ZEB1: variants seen among roughly 807,000 people sequenced by gnomAD.
ZEB1 encodes the protein zinc finger E-box-binding homeobox 1.
ZEB1 carries 21 observed loss-of-function variants against 84.9 expected under a neutral mutation model. That is an observed-to-expected ratio of 0.25 (90% CI 0.18 to 0.36). The LOEUF (loss-of-function observed/expected upper bound fraction) is 0.36. Ranked by LOEUF, ZEB1 falls within the 10% of genes least tolerant of loss-of-function variation. The probability of loss-of-function intolerance (pLI) is 1.00; values close to 1 mark genes in which losing one functional copy is unlikely to be tolerated. For missense variants in ZEB1, 1,104 were observed against 1,330.2 expected (o/e 0.83, Z 2.65); for synonymous variants, 420 against 471.1 (o/e 0.89, Z 1.41).
At chr10:31,519,053 T>C (rs1436171189) in intron 6 of ZEB1, among the ~76,000 whole-genome samples, 1 of 152,128 alleles carries the variant, frequency 6.6e-6, no homozygotes, top group East Asian at 1.9e-4. Context: ...GACAAATCAG[T>C]GTCATCACAT....
chr10:31,328,191 A>G (rs983289858), intron 1 of ZEB1, among the ~76,000 whole-genome samples: 1 of 152,068 alleles, frequency 6.6e-6, no homozygotes, highest in African/African-American at 2.4e-5. Context: ...TTTTGTATTT[A>G]TATGTCTAAT....
At chr10:31,362,755 C>G (rs1265972591) in intron 1 of ZEB1, 5 of 610,606 alleles carry the variant, frequency 8.2e-6, no homozygotes, top group Admixed American at 2.2e-5. Context: ...GTCTCAATCT[C>G]TTGATCTCCT....
intron 1 of ZEB1, among the ~76,000 whole-genome samples, chr10:31,443,213 T>C (rs1331759312): frequency 1.3e-5 from 2 of 152,224 alleles, no homozygotes; most frequent in Non-Finnish European, 2.9e-5. Flanking sequence ...TCTTACTGGG[T>C]GGTTCATCTT....
chr10:31,480,039 C>T (rs1238631556), intron 2 of ZEB1, among the ~76,000 whole-genome samples: 1 of 151,920 alleles, frequency 6.6e-6, no homozygotes, highest in African/African-American at 2.4e-5. Flanking sequence ...GTCTTAAAGG[C>T]ATCCTTATGC....
At chr10:31,342,333 A>T (rs991827363) in intron 1 of ZEB1, among the ~76,000 whole-genome samples, 1 of 152,166 alleles carries the variant, frequency 6.6e-6, no homozygotes, top group African/African-American at 2.4e-5. Flanking sequence ...GCCCAGGATT[A>T]GGGAGCTGAT....
At position 31,370,863 on chromosome 10, in the gene ZEB1, G is replaced by A. The variant is rs114681118; in HGVS notation, c.58+51571G>A. Reference sequence around the variant, plus strand: ...TTTCTTTATTTGTAAAATTGTGTGTGGTGTTAAATTCTAAGACTGTTTTTA... The same window carrying A: ...TTTCTTTATTTGTAAAATTGTGTGTAGTGTTAAATTCTAAGACTGTTTTTA... On this transcript the variant is annotated intron_variant, in intron 1 of 8. Coordinates refer to ENST00000424869, the MANE Select transcript of ZEB1 (RefSeq NM_001174096.2). Among the ~76,000 whole-genome samples, 812 of 152,138 alleles carry A rather than the reference G, an allele frequency of 5.3e-3. 10 individuals are homozygous for A. Among genetic ancestry groups the A allele is most frequent in the African/African-American group, 0.019 (769 of 41,506 alleles).
At chr10:31,416,712 A>G (rs1017723396) in intron 1 of ZEB1, among the ~76,000 whole-genome samples, 2 of 152,162 alleles carry the variant, frequency 1.3e-5, no homozygotes, top group Non-Finnish European at 2.9e-5. Context: ...ATAGAAGCGC[A>G]TAGAAGGAAT....
At chr10:31,408,506 T>A (rs979611168) in intron 1 of ZEB1, among the ~76,000 whole-genome samples, 12 of 149,806 alleles carry the variant, frequency 8.0e-5, no homozygotes, top group Admixed American at 1.3e-4. Flanking sequence ...ACTACAAGGC[T>A]ACAGTAACCA....
At chr10:31,337,275 A>G (rs1406587873) in intron 1 of ZEB1, among the ~76,000 whole-genome samples, 1 of 152,166 alleles carries the variant, frequency 6.6e-6, no homozygotes, top group Non-Finnish European at 1.5e-5. Context: ...TACACATAAT[A>G]CAAGTCTATG....
intron 1 of ZEB1, among the ~76,000 whole-genome samples, chr10:31,370,018 G>A (rs147944724): frequency 3.3e-5 from 5 of 152,278 alleles, no homozygotes; most frequent in African/African-American, 1.2e-4. Flanking sequence ...AGAAATGCCT[G>A]TTTAGGTTCT....
chr10:31,513,550 T>C (rs2070496824), intron 5 of ZEB1, among the ~76,000 whole-genome samples: 1 of 152,144 alleles, frequency 6.6e-6, no homozygotes. Context: ...TGGGTTTTAG[T>C]GAAGTAGGAC....
At chr10:31,443,719 A>G (rs1331378248) in intron 1 of ZEB1, among the ~76,000 whole-genome samples, 2 of 150,488 alleles carry the variant, frequency 1.3e-5, no homozygotes, top group Non-Finnish European at 2.9e-5. Context: ...AATTTCATCC[A>G]TGTCCTTACA....
chr10:31,400,321 A>T (rs1254691645), intron 1 of ZEB1, among the ~76,000 whole-genome samples: 1 of 152,186 alleles, frequency 6.6e-6, no homozygotes, highest in Non-Finnish European at 1.5e-5. Flanking sequence ...AAATTTTAAC[A>T]TAGTTCAGGG....
chr10:31,401,380 T>C, intron 1 of ZEB1, among the ~76,000 whole-genome samples: 1 of 152,188 alleles, frequency 6.6e-6, no homozygotes, highest in East Asian at 1.9e-4. Flanking sequence ...GATCTCCAAG[T>C]TAATGTGAAG....
At chr10:31,475,071 CG>C (rs1341892334) in intron 2 of ZEB1, among the ~76,000 whole-genome samples, 5 of 22,634 alleles carry the variant, frequency 2.2e-4, no homozygotes, top group East Asian at 1.6e-3. Flanking sequence ...TGGGGTGGGG[CG>C]GGGGGGAGGG....
At chr10:31,349,233 G>T (rs560373854) in intron 1 of ZEB1, among the ~76,000 whole-genome samples, 2 of 152,182 alleles carry the variant, frequency 1.3e-5, no homozygotes, top group South Asian at 4.2e-4. Flanking sequence ...CATCCGTGTC[G>T]TTGCAACTGA....
At chr10:31,358,935 T>G (rs1312875815) in intron 1 of ZEB1, among the ~76,000 whole-genome samples, 1 of 152,240 alleles carries the variant, frequency 6.6e-6, no homozygotes, top group Non-Finnish European at 1.5e-5. Flanking sequence ...TTTGACTTTT[T>G]ATTATTTGTT....
At chr10:31,372,043 A>G (rs925571879) in intron 1 of ZEB1, among the ~76,000 whole-genome samples, 2 of 152,120 alleles carry the variant, frequency 1.3e-5, no homozygotes, top group African/African-American at 4.8e-5. Context: ...GAAGGATTGC[A>G]CATAGAATAT....
At chr10:31,432,576 G>A (rs1264081455) in intron 1 of ZEB1, among the ~76,000 whole-genome samples, 2 of 152,098 alleles carry the variant, frequency 1.3e-5, no homozygotes, top group South Asian at 2.1e-4. Flanking sequence ...GCAACAGAGC[G>A]CAATACCCTG....
Sources: allele counts gnomAD v4.1 joint callset (sites outside exome capture counted in the v4.1 genomes callset), GRCh38; gene constraint gnomAD v4.1.1; transcripts MANE v1.5; gene names NCBI Gene and HGNC (gene_info 2026-07-23, HGNC 2026-07-21).